Variants in EVI5 observed in about 807,000 individuals in gnomAD.
The protein encoded by EVI5 is ecotropic viral integration site 5, also known as ecotropic viral integration site 5 protein homolog.
A neutral mutation model predicts 112.0 loss-of-function variants in EVI5; 73 were observed. The ratio of observed to expected loss-of-function variants is 0.65; its 90% CI spans 0.54 to 0.79. EVI5 has a LOEUF of 0.79. EVI5 is among the 30% of genes least tolerant of loss of function. The pLI is 0.00. For missense variants in EVI5, 900 were observed against 968.8 expected, an observed-to-expected ratio of 0.93 and a Z score of 0.94; for synonymous variants, 305 against 319.9, an observed-to-expected ratio of 0.95 and a Z score of 0.50.
intron 1 of EVI5, among the ~76,000 whole-genome samples, chr1:92,770,029 G>A (rs1433680497): frequency 6.6e-6 from 1 of 152,194 alleles, no homozygotes; most frequent in Non-Finnish European, 1.5e-5. Context: ...ATGCTGCTGG[G>A]TTTGAAGATG....
At chr1:92,700,248 C>A (rs1156652628) in intron 5 of EVI5, among the ~76,000 whole-genome samples, 12 of 152,164 alleles carry the variant, frequency 7.9e-5, no homozygotes, top group Admixed American at 7.9e-4. Context: ...AGGTCTAATG[C>A]AGACAATATA....
chr1:92,544,954 C>T (rs1217583006), intron 19 of EVI5, among the ~76,000 whole-genome samples: 1 of 152,144 alleles, frequency 6.6e-6, no homozygotes, highest in Non-Finnish European at 1.5e-5. Flanking sequence ...TTGACACGTA[C>T]TATTGGCATG....
chr1:92,575,869 T>C (rs1459085177), intron 18 of EVI5, among the ~76,000 whole-genome samples: 2 of 152,094 alleles, frequency 1.3e-5, no homozygotes, highest in Non-Finnish European at 2.9e-5. Flanking sequence ...TTGCCTGACC[T>C]TATGCATTTT....
chr1:92,745,477 T>C (rs996617081), intron 1 of EVI5, among the ~76,000 whole-genome samples: 1 of 152,220 alleles, frequency 6.6e-6, no homozygotes, highest in Admixed American at 6.5e-5. Context: ...TACACTGTTA[T>C]ATTATAAACC....
intron 17 of EVI5, among the ~76,000 whole-genome samples, chr1:92,606,638 A>T (rs969803611): frequency 6.6e-6 from 1 of 152,176 alleles, no homozygotes; most frequent in Non-Finnish European, 1.5e-5. Flanking sequence ...TTTCAGTGAC[A>T]CTGATAAACC....
At chr1:92,779,581 T>C (rs905648229) in intron 1 of EVI5, among the ~76,000 whole-genome samples, 7 of 151,032 alleles carry the variant, frequency 4.6e-5, no homozygotes. Flanking sequence ...TAAGAACAGA[T>C]ATGGCACCCA....
In EVI5 at chr1:92,626,013, C is replaced by T. The variant is rs952111747; in HGVS notation, c.1528-79G>A. 6.1e-6 allele frequency: 5 copies of T among 821,316 alleles called. No individual in the cohort carries two copies. The Admixed American group carries it at 7.0e-5, about 12-fold the overall frequency. The allele number at this position is 821,316 out of a possible 1,614,324, so 50.9% of individuals were successfully genotyped here. On this transcript the variant is annotated intron_variant, in intron 14 of 19. Transcript: ENST00000684568. ...AGCACACACAACAGCTATTGTGTTCCACACTTAAATGTATTTAATTTTATA... is the reference window on the plus strand; with the variant it reads ...AGCACACACAACAGCTATTGTGTTCTACACTTAAATGTATTTAATTTTATA...
chr1:92,734,576 T>C (rs573391055), intron 2 of EVI5, among the ~76,000 whole-genome samples: 1 of 152,294 alleles, frequency 6.6e-6, no homozygotes, highest in Admixed American at 6.5e-5. Context: ...AGAAAATATT[T>C]CTATTTATCC....
At chr1:92,595,580 C>T (rs1384657187) in intron 18 of EVI5, among the ~76,000 whole-genome samples, 1 of 151,846 alleles carries the variant, frequency 6.6e-6, no homozygotes, top group African/African-American at 2.4e-5. Context: ...AAAAGAAAAG[C>T]TGACTTTTGA....
At chr1:92,578,356 G>C (rs1671398166) in intron 18 of EVI5, among the ~76,000 whole-genome samples, 2 of 151,488 alleles carry the variant, frequency 1.3e-5, no homozygotes, top group South Asian at 4.1e-4. Flanking sequence ...TTTTTGGCAT[G>C]GCCTCTTTAC....
intron 10 of EVI5, among the ~76,000 whole-genome samples, chr1:92,671,183 T>A (rs922610932): frequency 6.6e-6 from 1 of 152,232 alleles, no homozygotes; most frequent in Non-Finnish European, 1.5e-5. Flanking sequence ...CCTACCATTC[T>A]GCTCCACTCG....
At chr1:92,556,143 A>G (rs1311046639) in intron 19 of EVI5, among the ~76,000 whole-genome samples, 1 of 150,138 alleles carries the variant, frequency 6.7e-6, no homozygotes, top group Non-Finnish European at 1.5e-5. Flanking sequence ...GGCTCACTGC[A>G]ACCTCCGCCT....
At chr1:92,628,151 C>T (rs1433858613) in intron 14 of EVI5, among the ~76,000 whole-genome samples, 1 of 152,214 alleles carries the variant, frequency 6.6e-6, no homozygotes. Flanking sequence ...ATTGTCTATT[C>T]ATGTCCTTAG....
intron 9 of EVI5, among the ~76,000 whole-genome samples, chr1:92,684,492 A>T (rs1336484224): frequency 6.6e-6 from 1 of 152,226 alleles, no homozygotes; most frequent in African/African-American, 2.4e-5. Context: ...AAACTGAATC[A>T]ATTAATGGGC....
chr1:92,558,010 T>C (rs1165640986), intron 19 of EVI5, among the ~76,000 whole-genome samples: 4 of 152,198 alleles, frequency 2.6e-5, no homozygotes, highest in Admixed American at 1.3e-4. Context: ...AGTGCTGGGA[T>C]TATAGGCATG....
intron 5 of EVI5, among the ~76,000 whole-genome samples, chr1:92,701,466 C>A (rs1671136648): frequency 6.6e-6 from 1 of 152,202 alleles, no homozygotes; most frequent in Admixed American, 6.5e-5. Context: ...CTATATGACT[C>A]AAACCAAGTA....
At chr1:92,688,182 A>T (rs1477821899) in intron 9 of EVI5, among the ~76,000 whole-genome samples, 1 of 152,186 alleles carries the variant, frequency 6.6e-6, no homozygotes, top group Non-Finnish European at 1.5e-5. Flanking sequence ...GCGCATATAC[A>T]CCATGGAATA....
intron 19 of EVI5, among the ~76,000 whole-genome samples, chr1:92,549,177 C>G (rs1005313403): frequency 1.3e-5 from 2 of 152,048 alleles, no homozygotes; most frequent in African/African-American, 4.8e-5. Context: ...AGAACAGAGG[C>G]CTCAGAAATA....
rs147387077 is a variant in EVI5, at chr1:92,562,766, C to A, written c.2166+876G>T. Among the ~76,000 whole-genome samples, 1,045 of 152,254 alleles carry A rather than the reference C, an allele frequency of 6.9e-3. 4 individuals carry two copies. Among genetic ancestry groups the A allele is most frequent in the Admixed American group, 0.01 (153 of 15,296 alleles). On this transcript the variant is annotated intron_variant, in intron 19 of 19. Transcript: ENST00000684568. ...TCCAGGAGGTATTACCCAAAACATA[C>A]AGACTTTAACTGAAGGGTGTAATAC... is the stretch of plus-strand genomic sequence containing the variant.
Sources: allele counts gnomAD v4.1 joint callset (sites outside exome capture counted in the v4.1 genomes callset), GRCh38; gene constraint gnomAD v4.1.1; transcripts MANE v1.5; gene names NCBI Gene and HGNC (gene_info 2026-07-23, HGNC 2026-07-21).